CCDC178: variants seen among roughly 807,000 people sequenced by gnomAD.
The protein encoded by CCDC178 is coiled-coil domain-containing protein 178.
In CCDC178, 126 loss-of-function variants were observed where a neutral mutation model predicts 117.4. The observed-to-expected ratio is 1.07, with a 90% confidence interval of 0.93 to 1.24. CCDC178 has a LOEUF of 1.24. CCDC178 is among the 50% of genes most tolerant of loss of function. CCDC178 has a pLI of 0.00. For synonymous variants in CCDC178, 283 were observed against 313.4 expected (o/e 0.90, Z 1.02); for missense variants, 1,030 against 986.9 (o/e 1.04, Z -0.59).
intron 12 of CCDC178, among the ~76,000 whole-genome samples, chr18:33,268,486 T>A (rs2059847115): frequency 6.6e-6 from 1 of 151,764 alleles, no homozygotes. Flanking sequence ...TTCAGACGAA[T>A]AAAAATCTAA....
At chr18:33,148,259 CA>C (rs1666468438) in intron 20 of CCDC178, among the ~76,000 whole-genome samples, 1 of 152,096 alleles carries the variant, frequency 6.6e-6, no homozygotes, top group African/African-American at 2.4e-5. Context: ...CCGTCTCCAC[CA>C]AAAAAATATG....
rs140326895 is a variant in CCDC178, at chr18:33,211,108, A to C, written c.2238+788T>G. On this transcript the variant is annotated intron_variant, in intron 20 of 22. Transcript: ENST00000383096. ...AAATATCATATTTGAATATATAAATATGAAGATCAAAAATAGCTCATATAT... is the reference window on the plus strand; with the variant it reads ...AAATATCATATTTGAATATATAAATCTGAAGATCAAAAATAGCTCATATAT... 2.3e-4 allele frequency among the ~76,000 whole-genome samples: 35 copies of C among 151,916 alleles called. No homozygotes were observed. The East Asian group carries it at 6.8e-3, about 29-fold the overall frequency.
chr18:33,250,879 T>A (rs560012366), intron 14 of CCDC178, among the ~76,000 whole-genome samples: 2 of 151,674 alleles, frequency 1.3e-5, no homozygotes, highest in African/African-American at 4.8e-5. Flanking sequence ...TCAGAACTCT[T>A]AAGAAAAGAA....
At chr18:33,167,994 T>C (rs535750816) in intron 20 of CCDC178, among the ~76,000 whole-genome samples, 1 of 152,310 alleles carries the variant, frequency 6.6e-6, no homozygotes, top group South Asian at 2.1e-4. Context: ...TAGACCTTTG[T>C]TGGATGTATA....
intron 20 of CCDC178, among the ~76,000 whole-genome samples, chr18:33,196,034 G>A (rs1187083673): frequency 6.6e-6 from 1 of 152,160 alleles, no homozygotes; most frequent in Admixed American, 6.5e-5. Flanking sequence ...TACTTGTCTG[G>A]GGGCTTTGCT....
intron 5 of CCDC178, among the ~76,000 whole-genome samples, chr18:33,384,421 C>G (rs1029612745): frequency 6.6e-6 from 1 of 152,030 alleles, no homozygotes; most frequent in Non-Finnish European, 1.5e-5. Flanking sequence ...TCAGATTCTC[C>G]AAGGTCAAAA....
chr18:33,428,993 G>A (rs1235156041), intron 2 of CCDC178, among the ~76,000 whole-genome samples: 1 of 145,214 alleles, frequency 6.9e-6, no homozygotes, highest in Non-Finnish European at 1.5e-5. Flanking sequence ...CATAGAATTA[G>A]TCTCAAAATC....
intron 11 of CCDC178, among the ~76,000 whole-genome samples, chr18:33,314,240 G>C (rs183392337): frequency 1.4e-3 from 157 of 114,734 alleles, no homozygotes; most frequent in African/African-American, 4.9e-3. Context: ...AAAAGAAATT[G>C]TGCCTAGATT....
chr18:33,236,682 G>A (rs2059430348), intron 15 of CCDC178, among the ~76,000 whole-genome samples: 1 of 152,136 alleles, frequency 6.6e-6, no homozygotes. Context: ...AAGAACCAAA[G>A]CAACAAATAA....
intron 9 of CCDC178, 82 bp downstream of exon 9, chr18:33,346,129 T>G (rs1201947724): frequency 8.9e-7 from 1 of 1,118,452 alleles, no homozygotes; most frequent in Non-Finnish European, 1.3e-6. Flanking sequence ...CTAAGACAAT[T>G]TTTTTAAAAA....
At position 33,364,809 on chromosome 18, in the gene CCDC178, G is replaced by C. The variant is rs1010973736; in HGVS notation, c.348+5241C>G. On this transcript the variant is annotated intron_variant, in intron 6 of 22. Coordinates refer to ENST00000383096, the MANE Select transcript of CCDC178 (RefSeq NM_001105528.4). ...TTAGAGGTTTGAACAAAAAAACATTGGAGTAGCCACCACAGACTACTAGAA... is the reference window on the plus strand; with the variant it reads ...TTAGAGGTTTGAACAAAAAAACATTCGAGTAGCCACCACAGACTACTAGAA... Among the ~76,000 whole-genome samples the C allele has an allele frequency of 4.2e-5, 6 of 143,628 alleles. No homozygotes were observed. The East Asian group carries it at 1.3e-3, about 31-fold the overall frequency. 94.2% of individuals were successfully genotyped at this position (143,628 alleles called of 152,430 possible). A position where few individuals can be genotyped will look rare whatever the true frequency, so the allele number is the denominator to read the frequency against.
chr18:33,411,326 G>T (rs2063849827), intron 3 of CCDC178, among the ~76,000 whole-genome samples: 1 of 152,170 alleles, frequency 6.6e-6, no homozygotes, highest in African/African-American at 2.4e-5. Flanking sequence ...TGGGCCAAAT[G>T]CAGTCTCTGT....
chr18:33,431,713 C>T (rs1289274451), intron 2 of CCDC178, among the ~76,000 whole-genome samples: 16 of 152,156 alleles, frequency 1.1e-4, no homozygotes, highest in Admixed American at 9.8e-4. Flanking sequence ...CCAAATAGCA[C>T]CATGTTTGTT....
At chr18:33,069,844 C>T (rs1405433308) in intron 21 of CCDC178, among the ~76,000 whole-genome samples, 1 of 151,804 alleles carries the variant, frequency 6.6e-6, no homozygotes, top group Non-Finnish European at 1.5e-5. Flanking sequence ...AACAAATAAT[C>T]CACTTAAAAA....
intron 14 of CCDC178, among the ~76,000 whole-genome samples, chr18:33,250,879 TAAGAA>T (rs943338538): frequency 1.9e-4 from 29 of 151,674 alleles, no homozygotes; most frequent in African/African-American, 4.6e-4. Flanking sequence ...TCAGAACTCT[TAAGAA>T]AAGAAAATTC....
At chr18:33,035,383 A>G (rs1224264563) in intron 21 of CCDC178, among the ~76,000 whole-genome samples, 2 of 152,026 alleles carry the variant, frequency 1.3e-5, no homozygotes, top group African/African-American at 2.4e-5. Flanking sequence ...AAATGAATGG[A>G]TAAAGAAAAT....
At chr18:33,397,932 AG>A (rs2063661211) in intron 3 of CCDC178, among the ~76,000 whole-genome samples, 1 of 152,156 alleles carries the variant, frequency 6.6e-6, no homozygotes, top group African/African-American at 2.4e-5. Flanking sequence ...ACATAAAAAA[AG>A]TTTAAACAAA....
At chr18:33,397,886 C>A (rs1303334144) in intron 3 of CCDC178, among the ~76,000 whole-genome samples, 1 of 151,856 alleles carries the variant, frequency 6.6e-6, no homozygotes, top group South Asian at 2.1e-4. Context: ...TATATCTAGG[C>A]TTTAAAAAAC....
At chr18:33,037,483 C>T (rs2056466298) in intron 21 of CCDC178, among the ~76,000 whole-genome samples, 1 of 151,900 alleles carries the variant, frequency 6.6e-6, no homozygotes, top group Non-Finnish European at 1.5e-5. Flanking sequence ...TGTACAATCA[C>T]ACAATTGGAG....
Sources: gnomAD v4.1 joint callset for allele counts (sites outside exome capture counted in the v4.1 genomes callset) on GRCh38, gnomAD v4.1.1 for gene constraint, MANE v1.5 for transcripts, NCBI Gene and HGNC (gene_info 2026-07-23, HGNC 2026-07-21) for gene names.